ERC2: variants seen among roughly 807,000 people sequenced by gnomAD.
ERC2 encodes the protein ELKS/RAB6-interacting/CAST family member 2.
A neutral mutation model predicts 114.8 loss-of-function variants in ERC2; 42 were observed. The ratio of observed to expected loss-of-function variants is 0.37; its 90% CI spans 0.29 to 0.47. The LOEUF (loss-of-function observed/expected upper bound fraction) is 0.47, where lower values mean the gene tolerates loss of function less well. Among genes scored for constraint, ERC2 ranks in the 20% least tolerant of loss-of-function variants. The pLI, the probability that ERC2 is intolerant of heterozygous loss-of-function variation, is 0.99. For missense variants in ERC2, 939 were observed against 1,150.7 expected (o/e 0.82, Z 2.66); for synonymous variants, 454 against 425.5 (o/e 1.07, Z -0.82).
intron 6 of ERC2, among the ~76,000 whole-genome samples, chr3:56,131,486 T>C (rs2080196756): frequency 6.6e-6 from 1 of 152,170 alleles, no homozygotes. Context: ...TACTAACTTT[T>C]CTAAAAAGCA....
intron 14 of ERC2, among the ~76,000 whole-genome samples, chr3:55,817,036 A>C (rs538316151): frequency 6.6e-6 from 1 of 152,200 alleles, no homozygotes; most frequent in Non-Finnish European, 1.5e-5. Flanking sequence ...CGATGCTTCA[A>C]ATAACCACTT....
intron 6 of ERC2, among the ~76,000 whole-genome samples, chr3:56,091,316 A>AAAG (rs1491347846): frequency 6.6e-6 from 1 of 152,104 alleles, no homozygotes; most frequent in East Asian, 1.9e-4. Context: ...GGAAGATATC[A>AAAG]AAGAAGACTC....
At chr3:55,985,764 A>G (rs1206408873) in intron 12 of ERC2, among the ~76,000 whole-genome samples, 1 of 152,222 alleles carries the variant, frequency 6.6e-6, no homozygotes, top group Admixed American at 6.5e-5. Context: ...TAAATAATCC[A>G]ACACTGACTT....
intron 17 of ERC2, among the ~76,000 whole-genome samples, chr3:55,564,169 G>C (rs1227906532): frequency 6.6e-6 from 1 of 152,158 alleles, no homozygotes; most frequent in Non-Finnish European, 1.5e-5. Flanking sequence ...CAATGGGGTG[G>C]ATGTCTGCCT....
chr3:56,198,057 T>C (rs1385935456), intron 3 of ERC2, among the ~76,000 whole-genome samples: 4 of 152,018 alleles, frequency 2.6e-5, no homozygotes, highest in Admixed American at 6.6e-5. Context: ...TGCATACAAA[T>C]GGATGATGAC....
chr3:56,127,564 C>T (rs897704920), intron 6 of ERC2, among the ~76,000 whole-genome samples: 8 of 151,856 alleles, frequency 5.3e-5, no homozygotes, highest in Admixed American at 5.3e-4. Flanking sequence ...CCTGTCCCTA[C>T]TAAAAATAAT....
intron 14 of ERC2, among the ~76,000 whole-genome samples, chr3:55,848,943 G>A (rs1450670434): frequency 6.6e-6 from 1 of 152,084 alleles, no homozygotes; most frequent in East Asian, 1.9e-4. Context: ...TGTTGTTGTT[G>A]TTCAACTTTT....
rs78729209 is a variant in ERC2 at position 55,785,826 on chromosome 3, A to G, written c.2565-50908T>C. ...AATAATTGTTACTGATAACTTCTTT[A>G]ACACATCAAGGTCATAAGGAATTCT... On this transcript the variant is annotated intron_variant, in intron 14 of 17. Coordinates refer to ENST00000288221, the MANE Select transcript of ERC2 (RefSeq NM_015576.3). Among the ~76,000 whole-genome samples, 706 of 152,310 alleles carry G rather than the reference A, an allele frequency of 4.6e-3. 4 individuals are homozygous for G. Among genetic ancestry groups the G allele is most frequent in the South Asian group, 0.024 (118 of 4,820 alleles).
chr3:56,030,688 T>A (rs887106128), intron 7 of ERC2, among the ~76,000 whole-genome samples: 5 of 152,244 alleles, frequency 3.3e-5, no homozygotes, highest in African/African-American at 9.6e-5. Flanking sequence ...GATGGCAGAA[T>A]AGGAGTTTCC....
chr3:56,160,440 G>C (rs1356789436), intron 4 of ERC2, among the ~76,000 whole-genome samples: 2 of 152,088 alleles, frequency 1.3e-5, no homozygotes, highest in Non-Finnish European at 2.9e-5. Flanking sequence ...TGTTTCCTCT[G>C]TTAATAGTTT....
At chr3:56,092,104 T>C (rs1388711036) in intron 6 of ERC2, among the ~76,000 whole-genome samples, 2 of 152,220 alleles carry the variant, frequency 1.3e-5, no homozygotes, top group Non-Finnish European at 2.9e-5. Context: ...ATTCAAAAAA[T>C]AGAATTCAGG....
chr3:55,729,845 A>AAAAAAAAAAG lies in ERC2; in HGVS notation c.2712+4925_2712+4926insCTTTTTTTTT, dbSNP rs1211297612. On this transcript the variant is annotated intron_variant, in intron 15 of 17. Transcript: ENST00000288221. ...GCAGTGAGACTCTATCGCAAAAAAAAAAAAAAAAAAAAAAAAAAAATTGTA... is the reference window on the plus strand; with the variant it reads ...GCAGTGAGACTCTATCGCAAAAAAAAAAAAAAAAAGAAAAAAAAAAAAAAAAAAAATTGTA... Among the ~76,000 whole-genome samples the AAAAAAAAAAG allele has an allele frequency of 4.3e-5, 6 of 140,016 alleles. 1 individual carries two copies. The highest frequency in any genetic ancestry group is 3.2e-5 in the Non-Finnish European group (2 of 62,562). 91.9% of individuals were successfully genotyped at this position (140,016 alleles called of 152,430 possible).
chr3:56,311,046 C>T (rs1210615280), intron 2 of ERC2, among the ~76,000 whole-genome samples: 1 of 151,312 alleles, frequency 6.6e-6, no homozygotes, highest in South Asian at 2.1e-4. Flanking sequence ...ATGAGTGGCG[C>T]CCCCAATGCA....
intron 7 of ERC2, among the ~76,000 whole-genome samples, chr3:56,061,974 C>T (rs1381610315): frequency 6.6e-6 from 1 of 152,112 alleles, no homozygotes; most frequent in Non-Finnish European, 1.5e-5. Flanking sequence ...ACATTTCATG[C>T]TATGTGTAGA....
At chr3:56,338,847 G>A (rs1266583452) in intron 2 of ERC2, among the ~76,000 whole-genome samples, 1 of 152,176 alleles carries the variant, frequency 6.6e-6, no homozygotes, top group Non-Finnish European at 1.5e-5. Context: ...TGGACTTCAG[G>A]AGGCCACTTT....
chr3:55,676,637 C>G (rs201972089), intron 17 of ERC2, among the ~76,000 whole-genome samples: 1 of 148,058 alleles, frequency 6.8e-6, no homozygotes, highest in African/African-American at 2.5e-5. Flanking sequence ...CTGACCTCAA[C>G]TAGTGTTTCC....
chr3:55,732,666 A>G (rs2065327740), intron 15 of ERC2, among the ~76,000 whole-genome samples: 1 of 152,320 alleles, frequency 6.6e-6, no homozygotes, highest in South Asian at 2.1e-4. Context: ...CATGAGGAGC[A>G]AAGTATCTAA....
At chr3:55,954,162 G>A (rs745337225) in intron 12 of ERC2, among the ~76,000 whole-genome samples, 2 of 127,326 alleles carry the variant, frequency 1.6e-5, no homozygotes, top group South Asian at 2.6e-4. Flanking sequence ...ACAGCATTAC[G>A]AATACATGCA....
intron 2 of ERC2, among the ~76,000 whole-genome samples, chr3:56,432,559 G>C (rs1472848335): frequency 1.3e-5 from 2 of 152,188 alleles, no homozygotes; most frequent in Non-Finnish European, 1.5e-5. Context: ...CTGAAAACTA[G>C]CTTTGGCTCT....
Sources: gnomAD v4.1 joint callset for allele counts (sites outside exome capture counted in the v4.1 genomes callset) on GRCh38, gnomAD v4.1.1 for gene constraint, MANE v1.5 for transcripts, NCBI Gene and HGNC (gene_info 2026-07-23, HGNC 2026-07-21) for gene names.